RBMS3: variants seen among roughly 807,000 people sequenced by gnomAD.
RBMS3 encodes RNA-binding motif, single-stranded-interacting protein 3.
In RBMS3, 27 loss-of-function variants were observed where a neutral mutation model predicts 66.8. The ratio of observed to expected loss-of-function variants is 0.40; its 90% confidence interval spans 0.30 to 0.56. RBMS3 has a LOEUF of 0.56. RBMS3 is among the 20% of genes least tolerant of loss of function. The pLI is 0.40. For synonymous variants in RBMS3, 188 were observed against 183.0 expected, an observed-to-expected ratio of 1.03 and a Z score of -0.22; for missense variants, 513 against 549.5, an observed-to-expected ratio of 0.93 and a Z score of 0.66.
intron 2 of RBMS3, among the ~76,000 whole-genome samples, chr3:29,444,811 T>TTTTTTTTTTTTTTTTTTTTTTTTTTTTC (rs2041764568): frequency 7.2e-6 from 1 of 138,650 alleles, no homozygotes; most frequent in Non-Finnish European, 1.6e-5. Context: ...TTTTTTTTTT[T>TTTTTTTTTTTTTTTTTTTTTTTTTTTTC]TGCTCCATCT....
At chr3:29,802,126 G>A (rs992163461) in intron 6 of RBMS3, among the ~76,000 whole-genome samples, 27 of 152,256 alleles carry the variant, frequency 1.8e-4, no homozygotes, top group African/African-American at 6.5e-4. Context: ...TTTTGTACCT[G>A]TAACACTCTT....
chr3:29,985,362 G>A (rs1698305690), intron 12 of RBMS3, among the ~76,000 whole-genome samples: 1 of 151,886 alleles, frequency 6.6e-6, no homozygotes, highest in African/African-American at 2.4e-5. Context: ...CCAAGGGAGT[G>A]AATGGTTTGT....
At chr3:29,480,917 G>T (rs560274629) in intron 2 of RBMS3, among the ~76,000 whole-genome samples, 112 of 152,174 alleles carry the variant, frequency 7.4e-4, no homozygotes, top group African/African-American at 2.5e-3. Context: ...GAGAAAAGGA[G>T]AAGCAGGTCT....
intron 3 of RBMS3, among the ~76,000 whole-genome samples, chr3:29,507,010 T>C (rs2044206719): frequency 6.9e-6 from 1 of 145,310 alleles, no homozygotes; most frequent in Non-Finnish European, 1.5e-5. Context: ...ATTTTGTTTG[T>C]TTAAAAAAAA....
chr3:29,968,341 C>A (rs889815135), intron 12 of RBMS3, among the ~76,000 whole-genome samples: 5 of 152,170 alleles, frequency 3.3e-5, no homozygotes, highest in African/African-American at 1.2e-4. Flanking sequence ...TTCATGCCCT[C>A]CCCTGAGTTC....
chr3:29,856,387 C>G (rs2059077449), intron 6 of RBMS3, among the ~76,000 whole-genome samples: 1 of 152,130 alleles, frequency 6.6e-6, no homozygotes, highest in Non-Finnish European at 1.5e-5. Context: ...GTAAGCAGAT[C>G]TGGGAGATTG....
chr3:29,861,673 C>A (rs564307400), intron 6 of RBMS3, among the ~76,000 whole-genome samples: 1 of 152,112 alleles, frequency 6.6e-6, no homozygotes, highest in Non-Finnish European at 1.5e-5. Flanking sequence ...TAAGCAAAAT[C>A]TTTGTCATTG....
At chr3:29,965,984 G>A (rs1275346812) in intron 12 of RBMS3, among the ~76,000 whole-genome samples, 2 of 152,118 alleles carry the variant, frequency 1.3e-5, no homozygotes, top group Non-Finnish European at 2.9e-5. Context: ...TGAAAAGGGT[G>A]TCCTTTTTCC....
rs1327958961 is a variant in RBMS3 at position 30,007,995 on chromosome 3, G to A, written c.*4133G>A. On this transcript the variant is annotated 3_prime_UTR_variant, in exon 15 of 15. Coordinates refer to ENST00000383767, the MANE Select transcript of RBMS3 (RefSeq NM_001003793.3). ...CAGGAATTTCACTTTATTTTACTAT[G>A]CCTAAAAATACATCTTTGGACCCCT... is the stretch of plus-strand genomic sequence containing the variant. 6.6e-6 allele frequency: 1 copy of A among 151,882 alleles called. No homozygotes were observed. Among genetic ancestry groups the A allele is most frequent in the Non-Finnish European group, 1.5e-5 (1 of 67,952 alleles). 9.4% of individuals were successfully genotyped at this position (151,882 alleles called of 1,614,324 possible). A position where few individuals can be genotyped will look rare whatever the true frequency, so the allele number is the denominator to read the frequency against.
intron 4 of RBMS3, among the ~76,000 whole-genome samples, chr3:29,674,619 G>A (rs1373128475): frequency 6.6e-6 from 1 of 150,724 alleles, no homozygotes; most frequent in African/African-American, 2.4e-5. Flanking sequence ...AATAGACAGA[G>A]AGCCAAATCA....
chr3:29,473,659 C>A (rs943204492), intron 2 of RBMS3, among the ~76,000 whole-genome samples: 1 of 152,234 alleles, frequency 6.6e-6, no homozygotes, highest in Non-Finnish European at 1.5e-5. Context: ...GGGGAGGCAG[C>A]TAAGGCACGG....
rs80137800 is a variant in RBMS3, at chr3:29,476,019, T to A, written c.249-12422T>A. 7.9e-4 allele frequency among the ~76,000 whole-genome samples: 121 copies of A among 152,268 alleles called. No individual in the cohort carries two copies. The East Asian group carries it at 0.017, about 21-fold the overall frequency. ...AAACAAAAAGGCATCCTAGGTGTGT[T>A]CTTTGTCATGTAAAACATCCCCCAC... On this transcript the variant is annotated intron_variant, in intron 2 of 14. Coordinates refer to ENST00000383767, the MANE Select transcript of RBMS3 (RefSeq NM_001003793.3).
intron 11 of RBMS3, among the ~76,000 whole-genome samples, chr3:29,937,291 C>T (rs1221321058): frequency 6.6e-6 from 1 of 151,960 alleles, no homozygotes; most frequent in Non-Finnish European, 1.5e-5. Flanking sequence ...GCCTATATGT[C>T]TTACAGTTAC....
intron 5 of RBMS3, among the ~76,000 whole-genome samples, chr3:29,742,172 C>A (rs574262087): frequency 6.6e-6 from 1 of 152,218 alleles, no homozygotes; most frequent in East Asian, 1.9e-4. Context: ...AAAGGCAGAA[C>A]TATAATGCTG....
intron 3 of RBMS3, among the ~76,000 whole-genome samples, chr3:29,577,983 C>G (rs2047183958): frequency 6.6e-6 from 1 of 152,172 alleles, no homozygotes; most frequent in Non-Finnish European, 1.5e-5. Flanking sequence ...GGTTTCTATT[C>G]TGCCATTTTG....
intron 4 of RBMS3, among the ~76,000 whole-genome samples, chr3:29,645,290 C>T (rs375044410): frequency 4.6e-5 from 7 of 152,138 alleles, no homozygotes; most frequent in African/African-American, 1.2e-4. Flanking sequence ...ATCTGCAAAT[C>T]GGTATACATT....
chr3:29,358,593 G>T (rs2125574959), intron 1 of RBMS3, among the ~76,000 whole-genome samples: 1 of 152,284 alleles, frequency 6.6e-6, no homozygotes, highest in African/African-American at 2.4e-5. Flanking sequence ...AAAGTCATTG[G>T]TAGCTTGATG....
intron 6 of RBMS3, among the ~76,000 whole-genome samples, chr3:29,858,323 A>C (rs1026871207): frequency 6.6e-6 from 1 of 152,194 alleles, no homozygotes. Flanking sequence ...ATAGTAATCT[A>C]TAAATATAAA....
chr3:29,508,712 C>T (rs932520809), intron 3 of RBMS3, among the ~76,000 whole-genome samples: 7 of 151,784 alleles, frequency 4.6e-5, no homozygotes, highest in African/African-American at 1.7e-4. Context: ...TCGGTATATA[C>T]CCAGTTACGG....
Sources: allele counts gnomAD v4.1 joint callset (sites outside exome capture counted in the v4.1 genomes callset), GRCh38; gene constraint gnomAD v4.1.1; transcripts MANE v1.5; gene names NCBI Gene and HGNC (gene_info 2026-07-23, HGNC 2026-07-21).